The following SLC24A2 variants were observed in gnomAD, a reference collection of about 807,000 sequenced individuals.
SLC24A2 encodes the protein solute carrier family 24 member 2.
Under a neutral mutation model 62.0 loss-of-function variants are expected in SLC24A2, and 36 were observed. That is an observed-to-expected ratio of 0.58 (90% confidence interval 0.44 to 0.77). The LOEUF (loss-of-function observed/expected upper bound fraction) is 0.77, where lower values mean the gene tolerates loss of function less well. SLC24A2 is among the 30% of genes least tolerant of loss of function. The probability of loss-of-function intolerance (pLI) is 0.00; values close to 1 mark genes in which losing one functional copy is unlikely to be tolerated. For synonymous variants in SLC24A2, 358 were observed against 294.0 expected (o/e 1.22, Z -2.23); for missense variants, 846 against 817.9 (o/e 1.03, Z -0.42).
rs1352550331 is a variant in SLC24A2, at chr9:19,756,947, G to C, written c.930+28990C>G. Among the ~76,000 whole-genome samples, 6 of 106,904 alleles carry C rather than the reference G, an allele frequency of 5.6e-5. No individual in the cohort carries two copies. The Admixed American group carries it at 8.4e-4, about 15-fold the overall frequency. The allele number at this position is 106,904 out of a possible 152,430, so 70.1% of individuals were successfully genotyped here. ...TTTTTAGAGACAATGGTCTGACTCT[G>C]TTGCCCAGGCTGCAGTAAGTGGCAC... On this transcript the variant is annotated intron_variant, in intron 2 of 10. Coordinates refer to ENST00000341998, the MANE Select transcript of SLC24A2 (RefSeq NM_020344.4).
intron 7 of SLC24A2, among the ~76,000 whole-genome samples, chr9:19,554,548 G>A (rs6475350): frequency 0.2 from 30,009 of 152,122 alleles, 4,786 homozygotes; most frequent in African/African-American, 0.44. Context: ...TTTAACAAAT[G>A]GAAAGCTTGC....
At chr9:19,552,817 G>A (rs573168703) in intron 7 of SLC24A2, among the ~76,000 whole-genome samples, 2 of 152,208 alleles carry the variant, frequency 1.3e-5, no homozygotes, top group Non-Finnish European at 2.9e-5. Flanking sequence ...AAAGTCACCA[G>A]GCAGGCATTG....
the SLC24A2 span, among the ~76,000 whole-genome samples, chr9:20,059,283 C>T: frequency 2.0e-5 from 3 of 152,118 alleles, no homozygotes; most frequent in East Asian, 3.9e-4. Flanking sequence ...ACTTGAATAA[C>T]AGTATAAACC....
the SLC24A2 span, among the ~76,000 whole-genome samples, chr9:20,190,125 C>A: frequency 6.6e-6 from 1 of 152,140 alleles, no homozygotes; most frequent in Non-Finnish European, 1.5e-5. Context: ...CGCAACACTC[C>A]CTGCATGAAG....
intron 2 of SLC24A2, among the ~76,000 whole-genome samples, chr9:19,711,845 G>A (rs946901313): frequency 6.6e-6 from 1 of 152,170 alleles, no homozygotes; most frequent in Admixed American, 6.5e-5. Flanking sequence ...AAATAACACA[G>A]TGAGGAGAAA....
chr9:20,101,984 G>C, the SLC24A2 span, among the ~76,000 whole-genome samples: 1 of 152,124 alleles, frequency 6.6e-6, no homozygotes, highest in Admixed American at 6.5e-5. Flanking sequence ...AGTGTTCCTA[G>C]GAGCCTCCTT....
the SLC24A2 span, among the ~76,000 whole-genome samples, chr9:20,056,034 A>C: frequency 5.3e-5 from 8 of 152,254 alleles, no homozygotes; most frequent in Non-Finnish European, 7.3e-5. Context: ...TTTACCATAC[A>C]AATTCTAATA....
chr9:19,837,639 C>T, the SLC24A2 span, among the ~76,000 whole-genome samples: 1 of 152,040 alleles, frequency 6.6e-6, no homozygotes, highest in Non-Finnish European at 1.5e-5. Flanking sequence ...TCCCTGTTTG[C>T]AGATGACATA....
intron 8 of SLC24A2, among the ~76,000 whole-genome samples, chr9:19,535,628 G>T (rs1367808011): frequency 6.6e-6 from 1 of 152,132 alleles, no homozygotes; most frequent in African/African-American, 2.4e-5. Flanking sequence ...CCCATTTCTT[G>T]TTTTTGTCAG....
the SLC24A2 span, among the ~76,000 whole-genome samples, chr9:20,226,876 G>C: frequency 1.3e-5 from 2 of 152,182 alleles, no homozygotes; most frequent in African/African-American, 2.4e-5. Flanking sequence ...CATCCAGCCA[G>C]CGAAGTAGGC....
chr9:20,306,831 G>T, the SLC24A2 span, among the ~76,000 whole-genome samples: 1 of 152,128 alleles, frequency 6.6e-6, no homozygotes, highest in Non-Finnish European at 1.5e-5. Context: ...CAAGTAGCTG[G>T]GATTACAGGT....
rs779477006 is a variant in SLC24A2 at position 19,550,271 on chromosome 9, G to A, written c.1348-3C>T. ...TGGTCCTCCTCCTCATCAGCGGTCT[G>A]TGGTAGAAAAAGAGGTAAAATTAAA... On this transcript the variant is annotated splice_polypyrimidine_tract_variant and splice_region_variant and intron_variant, in intron 7 of 10. Transcript: ENST00000341998. 3.1e-6 allele frequency: 5 copies of A among 1,613,886 alleles called. No individual in the cohort carries two copies. In the East Asian group the frequency reaches 6.7e-5, roughly 22 times the overall value.
intron 7 of SLC24A2, among the ~76,000 whole-genome samples, chr9:19,562,987 T>A (rs553956590): frequency 1.3e-5 from 2 of 152,252 alleles, no homozygotes; most frequent in Admixed American, 6.5e-5. Context: ...GCACCTGTAG[T>A]CCTAGGTACT....
chr9:20,224,807 T>C, the SLC24A2 span, among the ~76,000 whole-genome samples: 1 of 152,122 alleles, frequency 6.6e-6, no homozygotes, highest in Non-Finnish European at 1.5e-5. Flanking sequence ...GTGGGGCTAA[T>C]GGATTCACCC....
At chr9:19,531,316 G>C (rs898749893) in intron 8 of SLC24A2, among the ~76,000 whole-genome samples, 4 of 152,276 alleles carry the variant, frequency 2.6e-5, no homozygotes, top group Middle Eastern at 6.8e-3. Context: ...CAACTGTACA[G>C]TCATTTAGTT....
At chr9:20,099,940 T>A in the SLC24A2 span, among the ~76,000 whole-genome samples, 1 of 152,214 alleles carries the variant, frequency 6.6e-6, no homozygotes, top group African/African-American at 2.4e-5. Flanking sequence ...GAGCATTTCA[T>A]GAAGACTTTT....
At chr9:19,683,450 G>A (rs1190066550) in intron 2 of SLC24A2, among the ~76,000 whole-genome samples, 1 of 152,040 alleles carries the variant, frequency 6.6e-6, no homozygotes. Flanking sequence ...AAAGGTGATG[G>A]GCATTTGGTC....
chr9:19,529,512 C>T (rs765776053), intron 8 of SLC24A2, among the ~76,000 whole-genome samples: 3 of 151,888 alleles, frequency 2.0e-5, no homozygotes, highest in Admixed American at 6.6e-5. Flanking sequence ...TTTGTGGGGC[C>T]GTTTGTTAGC....
chr9:20,131,514 G>A, the SLC24A2 span, among the ~76,000 whole-genome samples: 1 of 152,160 alleles, frequency 6.6e-6, no homozygotes, highest in Non-Finnish European at 1.5e-5. Context: ...CAGATTTCCT[G>A]TTTAAAGGAA....
Sources: allele counts gnomAD v4.1 joint callset (sites outside exome capture counted in the v4.1 genomes callset), GRCh38; gene constraint gnomAD v4.1.1; transcripts MANE v1.5; gene names NCBI Gene and HGNC (gene_info 2026-07-23, HGNC 2026-07-21).